Variants in DPH5 observed in about 807,000 individuals in gnomAD.
The protein encoded by DPH5 is diphthamide biosynthesis 5.
Under a neutral mutation model 31.6 loss-of-function variants are expected in DPH5, and 31 were observed. The ratio of observed to expected loss-of-function variants is 0.98; its 90% CI spans 0.74 to 1.32. DPH5 has a LOEUF of 1.32. DPH5 is among the 40% of genes most tolerant of loss of function. The pLI is 0.00. For synonymous variants in DPH5, 120 were observed against 115.0 expected, an observed-to-expected ratio of 1.04 and a Z score of -0.28; for missense variants, 309 against 335.7, an observed-to-expected ratio of 0.92 and a Z score of 0.62.
intron 4 of DPH5, among the ~76,000 whole-genome samples, chr1:101,007,181 A>G (rs1182808031): frequency 6.6e-6 from 1 of 152,226 alleles, no homozygotes; most frequent in Non-Finnish European, 1.5e-5. Context: ...TGTTGAATAA[A>G]AAGACTGAAA....
rs745316287 is a variant in DPH5 at position 101,025,321 on chromosome 1, C to T, written c.123G>A (p.Gly41=). 1.2e-6 allele frequency: 2 copies of T among 1,614,146 alleles called. No individual in the cohort carries two copies. Among genetic ancestry groups the T allele is most frequent in the African/African-American group, 2.7e-5 (2 of 75,048 alleles). The change falls in exon 2 of 8, where the codon GGG becomes GGA. Residue 41 remains glycine (G), a synonymous_variant. Transcript: ENST00000370109. ...LEAYTSVLTV[G]KEALEEFYGR... ...GCTCAGCACCTACCAAGGCTTCCTT[C>T]CCTACAGTTAGGACTGAGGTGTAGG... is the stretch of plus-strand genomic sequence containing the variant.
intron 7 of DPH5, among the ~76,000 whole-genome samples, chr1:100,992,187 T>A (rs1351209859): frequency 6.6e-6 from 1 of 152,046 alleles, no homozygotes; most frequent in Non-Finnish European, 1.5e-5. Flanking sequence ...ATTAGGAATA[T>A]AAGAACAAAT....
At chr1:101,017,720 A>G (rs1174747656) in intron 3 of DPH5, among the ~76,000 whole-genome samples, 1 of 152,266 alleles carries the variant, frequency 6.6e-6, no homozygotes, top group Admixed American at 6.5e-5. Flanking sequence ...ATATATATTA[A>G]CAAATTAACA....
chr1:101,011,730 T>C (rs1407591445), intron 4 of DPH5: 1 of 140,224 alleles, frequency 7.1e-6, no homozygotes, highest in Non-Finnish European at 1.6e-5. Context: ...AATAGCTTAA[T>C]TTAGAGCAAA....
intron 5 of DPH5, among the ~76,000 whole-genome samples, chr1:100,998,860 A>G (rs910847213): frequency 1.3e-5 from 2 of 152,178 alleles, no homozygotes; most frequent in South Asian, 2.1e-4. Flanking sequence ...ATTAAATAAA[A>G]TTTCACTCAA....
chr1:101,006,817 A>G (rs1659263909), intron 4 of DPH5, among the ~76,000 whole-genome samples: 1 of 152,234 alleles, frequency 6.6e-6, no homozygotes, highest in Non-Finnish European at 1.5e-5. Flanking sequence ...TTATATAAAC[A>G]GATGAACATA....
At chr1:100,991,231 GTTAAAA>G (rs1657670401) in intron 7 of DPH5, among the ~76,000 whole-genome samples, 1 of 152,146 alleles carries the variant, frequency 6.6e-6, no homozygotes, top group Non-Finnish European at 1.5e-5. Context: ...ATGTTTTTCA[GTTAAAA>G]ACAGCCAGCC....
intron 4 of DPH5, among the ~76,000 whole-genome samples, chr1:101,011,158 A>C (rs996068026): frequency 1.3e-5 from 2 of 152,264 alleles, no homozygotes; most frequent in African/African-American, 4.8e-5. Flanking sequence ...AAGTACTTGC[A>C]TTATGCAGGA....
chr1:101,021,226 T>A (rs963448829), intron 3 of DPH5, among the ~76,000 whole-genome samples: 1 of 152,100 alleles, frequency 6.6e-6, no homozygotes, highest in African/African-American at 2.4e-5. Flanking sequence ...AAATAGTAGA[T>A]GATTACAAAA....
intron 5 of DPH5, among the ~76,000 whole-genome samples, chr1:100,999,206 T>G (rs1394938592): frequency 2.0e-5 from 3 of 152,222 alleles, no homozygotes; most frequent in Non-Finnish European, 4.4e-5. Flanking sequence ...GCCCAGCACT[T>G]TGGGGGGCCA....
intron 4 of DPH5, among the ~76,000 whole-genome samples, chr1:101,007,309 T>C (rs577974681): frequency 2.8e-4 from 42 of 152,326 alleles, no homozygotes; most frequent in Middle Eastern, 3.4e-3. Context: ...AATCATTTAT[T>C]ATCAAGGAAA....
At chr1:100,993,331 T>A (rs1163814443) in intron 6 of DPH5, among the ~76,000 whole-genome samples, 1 of 151,314 alleles carries the variant, frequency 6.6e-6, no homozygotes. Context: ...GGCGGGTGGA[T>A]CACAAAGTCA....
rs1660460386 is a variant in DPH5 at position 101,021,740 on chromosome 1, A to AC, written c.160dup (p.Val54GlyfsTer4). On this transcript the variant is annotated frameshift_variant, in exon 3 of 8. Coordinates refer to ENST00000370109, the MANE Select transcript of DPH5 (RefSeq NM_015958.3). LOFTEE classifies it high-confidence loss of function. Reference sequence around the variant, plus strand: ...TTCCACTTCTTCTCTATCAGCAACAACCAATTTTCTTCCATAAAACTCTTC... The same window carrying AC: ...TTCCACTTCTTCTCTATCAGCAACAACCCAATTTTCTTCCATAAAACTCTTC... 6.2e-7 allele frequency: 1 copy of AC among 1,613,386 alleles called. No individual in the cohort carries two copies. Among genetic ancestry groups the AC allele is most frequent in the Middle Eastern group, 1.7e-4 (1 of 6,054 alleles).
intron 6 of DPH5, among the ~76,000 whole-genome samples, chr1:100,993,056 T>G (rs1402894783): frequency 6.6e-6 from 1 of 152,184 alleles, no homozygotes; most frequent in African/African-American, 2.4e-5. Context: ...TAAGTGGCAA[T>G]TTGGTCTATA....
At chr1:101,019,099 CAG>C (rs1439693659) in intron 3 of DPH5, among the ~76,000 whole-genome samples, 1 of 152,088 alleles carries the variant, frequency 6.6e-6, no homozygotes, top group Non-Finnish European at 1.5e-5. Flanking sequence ...AATAATAAAA[CAG>C]AACCATCATT....
intron 4 of DPH5, among the ~76,000 whole-genome samples, chr1:101,004,185 T>C (rs952155049): frequency 1.3e-5 from 2 of 152,220 alleles, no homozygotes; most frequent in Non-Finnish European, 2.9e-5. Context: ...ACCACTCCTG[T>C]AGCTGTGGTG....
At chr1:101,013,393 T>C (rs1659837797) in intron 4 of DPH5, among the ~76,000 whole-genome samples, 1 of 152,204 alleles carries the variant, frequency 6.6e-6, no homozygotes, top group African/African-American at 2.4e-5. Context: ...CAATACTATA[T>C]GAAAAATCAT....
chr1:101,025,548 G>T, intron 1 of DPH5, 82 bp from the exon 2 acceptor site: 1 of 1,409,416 alleles, frequency 7.1e-7, no homozygotes, highest in Non-Finnish European at 9.7e-7. Context: ...GACAACCAAA[G>T]TAGCACAAGA....
intron 4 of DPH5, among the ~76,000 whole-genome samples, chr1:101,010,275 G>A (rs1302604008): frequency 6.6e-6 from 1 of 152,122 alleles, no homozygotes; most frequent in East Asian, 1.9e-4. Flanking sequence ...ATTTTACAAG[G>A]AAAATTTTCA....
Sources: allele counts gnomAD v4.1 joint callset (sites outside exome capture counted in the v4.1 genomes callset), GRCh38; gene constraint gnomAD v4.1.1; transcripts MANE v1.5; gene names NCBI Gene and HGNC (gene_info 2026-07-23, HGNC 2026-07-21).